The following RGS6 variants were observed in gnomAD, a reference collection of about 807,000 sequenced individuals.
RGS6 encodes the protein regulator of G-protein signaling 6.
In RGS6, 30 loss-of-function variants were observed where a neutral mutation model predicts 78.5. The ratio of observed to expected loss-of-function variants is 0.38; its 90% CI spans 0.29 to 0.52. RGS6 has a LOEUF of 0.52. Ranked by LOEUF, RGS6 falls within the 20% of genes least tolerant of loss-of-function variation. The pLI is 0.85. For missense variants in RGS6, 495 were observed against 609.7 expected (o/e 0.81, Z 1.98); for synonymous variants, 206 against 206.0 (o/e 1.00, Z 0.00).
chr14:72,161,739 T>G (rs758501651), intron 2 of RGS6, among the ~76,000 whole-genome samples: 8 of 152,258 alleles, frequency 5.3e-5, no homozygotes, highest in Non-Finnish European at 1.0e-4. Flanking sequence ...ACAATGCCTT[T>G]CATGTCAATT....
intron 2 of RGS6, among the ~76,000 whole-genome samples, chr14:72,066,030 T>C (rs553988540): frequency 6.6e-6 from 1 of 152,144 alleles, no homozygotes; most frequent in South Asian, 2.1e-4. Context: ...TGTTGATTGA[T>C]GTTAACTATC....
At chr14:72,210,828 G>GT (rs1037649560) in intron 2 of RGS6, among the ~76,000 whole-genome samples, 40 of 149,304 alleles carry the variant, frequency 2.7e-4, no homozygotes, top group South Asian at 1.1e-3. Context: ...TTTTGTTTTT[G>GT]TTTTTTTTTA....
intron 15 of RGS6, among the ~76,000 whole-genome samples, chr14:72,522,692 T>A (rs1272064511): frequency 1.3e-5 from 2 of 152,220 alleles, no homozygotes; most frequent in African/African-American, 4.8e-5. Context: ...TTTTAGTTTT[T>A]TTCAGCCACT....
chr14:72,537,613 A>G, intron 16 of RGS6: 1 of 700,078 alleles, frequency 1.4e-6, no homozygotes, highest in South Asian at 1.5e-5. Context: ...GGAGGCCGAC[A>G]CCCTCATACA....
At chr14:72,042,058 C>T (rs777992797) in intron 2 of RGS6, among the ~76,000 whole-genome samples, 1 of 151,808 alleles carries the variant, frequency 6.6e-6, no homozygotes, top group Non-Finnish European at 1.5e-5. Context: ...TACTGCTTAA[C>T]TTCTGCCTAC....
chr14:72,543,820 C>G (rs2097357042), intron 17 of RGS6, among the ~76,000 whole-genome samples: 1 of 152,228 alleles, frequency 6.6e-6, no homozygotes, highest in Non-Finnish European at 1.5e-5. Flanking sequence ...ACTGCAACCT[C>G]TGCCTCCTAG....
intron 2 of RGS6, among the ~76,000 whole-genome samples, chr14:72,211,123 AATCTTGG>A (rs1345806571): frequency 1.4e-4 from 22 of 152,232 alleles, no homozygotes; most frequent in Admixed American, 3.9e-4. Flanking sequence ...CACTGACACT[AATCTTGG>A]CCATAACCTA....
upstream of RGS6, among the ~76,000 whole-genome samples, chr14:71,930,798 C>A (rs1031391227): frequency 6.6e-6 from 1 of 151,322 alleles, no homozygotes; most frequent in Non-Finnish European, 1.5e-5. Flanking sequence ...GCTTGGCCAA[C>A]ATGGTGAAAC....
At chr14:72,528,236 G>A (rs2097141665) in intron 15 of RGS6, among the ~76,000 whole-genome samples, 1 of 152,204 alleles carries the variant, frequency 6.6e-6, no homozygotes, top group African/African-American at 2.4e-5. Context: ...GTGGTTTTGA[G>A]ACAGTTTGTA....
intron 2 of RGS6, among the ~76,000 whole-genome samples, chr14:72,231,637 T>C (rs1456879559): frequency 6.6e-6 from 1 of 152,118 alleles, no homozygotes; most frequent in South Asian, 2.1e-4. Flanking sequence ...TAGAGAGTGA[T>C]GGGGCCAGAC....
intron 10 of RGS6, among the ~76,000 whole-genome samples, chr14:72,475,608 A>G (rs989902951): frequency 6.6e-6 from 1 of 152,152 alleles, no homozygotes; most frequent in Non-Finnish European, 1.5e-5. Flanking sequence ...GCATACCTGT[A>G]ATCCCAGCTT....
At chr14:71,892,470 G>A in the RGS6 span, among the ~76,000 whole-genome samples, 4 of 152,180 alleles carry the variant, frequency 2.6e-5, no homozygotes, top group Admixed American at 6.5e-5. Flanking sequence ...GCTTAATAAT[G>A]AATGAACTGA....
intron 3 of RGS6, among the ~76,000 whole-genome samples, chr14:72,437,114 G>C (rs2094951463): frequency 6.8e-6 from 1 of 146,106 alleles, no homozygotes. Flanking sequence ...CTGAGGTCAG[G>C]AGTTCCAGAC....
the RGS6 span, among the ~76,000 whole-genome samples, chr14:71,882,263 T>C: frequency 6.6e-6 from 1 of 152,232 alleles, no homozygotes; most frequent in Non-Finnish European, 1.5e-5. Context: ...CGTGCTGTAG[T>C]GTATGTCAGA....
chr14:72,179,101 A>G (rs1031307361), intron 2 of RGS6, among the ~76,000 whole-genome samples: 3 of 152,226 alleles, frequency 2.0e-5, no homozygotes, highest in African/African-American at 7.2e-5. Context: ...TTTTCTCTGG[A>G]AAAGTAAGAA....
intron 2 of RGS6, among the ~76,000 whole-genome samples, chr14:72,130,201 A>T (rs1042447962): frequency 7.2e-5 from 11 of 152,216 alleles, no homozygotes; most frequent in African/African-American, 2.7e-4. Context: ...ATGTAGGGTG[A>T]GGGCCAGAAG....
intron 3 of RGS6, among the ~76,000 whole-genome samples, chr14:72,355,983 G>A (rs1471561312): frequency 6.6e-6 from 1 of 152,156 alleles, no homozygotes; most frequent in African/African-American, 2.4e-5. Flanking sequence ...TGATCACTTA[G>A]CCTCTTATCA....
intron 2 of RGS6, among the ~76,000 whole-genome samples, chr14:72,196,322 A>G (rs2040135047): frequency 6.6e-6 from 1 of 152,176 alleles, no homozygotes; most frequent in Admixed American, 6.5e-5. Flanking sequence ...TGGATTAATT[A>G]TTAAGAAACA....
intron 1 of RGS6, among the ~76,000 whole-genome samples, chr14:71,941,637 T>A (rs756245275): frequency 2.7e-4 from 41 of 152,202 alleles, no homozygotes; most frequent in Non-Finnish European, 5.0e-4. Flanking sequence ...GTATCTAGCA[T>A]GGGAGAAAGA....
Sources: gnomAD v4.1 joint callset for allele counts (sites outside exome capture counted in the v4.1 genomes callset) on GRCh38, gnomAD v4.1.1 for gene constraint, MANE v1.5 for transcripts, NCBI Gene and HGNC (gene_info 2026-07-23, HGNC 2026-07-21) for gene names.